Variants in CHODL observed in about 807,000 individuals in gnomAD.
CHODL encodes the protein chondrolectin.
CHODL carries 29 observed loss-of-function variants against 34.5 expected under a neutral mutation model. The ratio of observed to expected loss-of-function variants is 0.84; its 90% CI spans 0.63 to 1.15. The LOEUF (loss-of-function observed/expected upper bound fraction) is 1.15, where lower values mean the gene tolerates loss of function less well. CHODL is among the 50% of genes most tolerant of loss of function. The pLI is 0.00. For missense variants in CHODL, 332 were observed against 332.5 expected (o/e 1.00, Z 0.01); for synonymous variants, 125 against 116.1 (o/e 1.08, Z -0.49).
chr21:17,982,927 G>A (rs2063725909), intron 1 of CHODL, among the ~76,000 whole-genome samples: 1 of 151,800 alleles, frequency 6.6e-6, no homozygotes, highest in South Asian at 2.1e-4. Flanking sequence ...GTTTCACCAT[G>A]TTGGCCAGGC....
intron 1 of CHODL, among the ~76,000 whole-genome samples, chr21:17,978,746 A>ACC (rs397961368): frequency 0.01 from 1,477 of 143,804 alleles, 22 homozygotes; most frequent in African/African-American, 0.031. Flanking sequence ...AAAAAAAAAA[A>ACC]CAAACAAACA....
intron 1 of CHODL, among the ~76,000 whole-genome samples, chr21:17,957,453 C>T (rs182285050): frequency 5.9e-5 from 9 of 152,222 alleles, no homozygotes; most frequent in African/African-American, 2.2e-4. Context: ...CCTCTATTCT[C>T]CTCCATGTTT....
At chr21:17,950,195 A>G (rs967958837) in intron 1 of CHODL, among the ~76,000 whole-genome samples, 1 of 152,088 alleles carries the variant, frequency 6.6e-6, no homozygotes, top group African/African-American at 2.4e-5. Flanking sequence ...GGCACAAATG[A>G]CATACATTAT....
chr21:17,970,747 A>G (rs2063607908), intron 1 of CHODL, among the ~76,000 whole-genome samples: 1 of 151,932 alleles, frequency 6.6e-6, no homozygotes, highest in Non-Finnish European at 1.5e-5. Context: ...TAATTTTTTT[A>G]AATTATACTT....
chr21:18,008,773 G>A (rs1331114750), intron 1 of CHODL, among the ~76,000 whole-genome samples: 1 of 152,264 alleles, frequency 6.6e-6, no homozygotes, highest in Non-Finnish European at 1.5e-5. Context: ...TGTAATGATA[G>A]GGACAGACAA....
At chr21:17,947,832 A>G (rs949382248) in intron 1 of CHODL, among the ~76,000 whole-genome samples, 1 of 152,154 alleles carries the variant, frequency 6.6e-6, no homozygotes, top group African/African-American at 2.4e-5. Context: ...AAATCATTAC[A>G]TAAAAACCGT....
At chr21:18,166,851 C>CTTTT (rs1601094600) in intron 2 of CHODL, among the ~76,000 whole-genome samples, 1 of 152,066 alleles carries the variant, frequency 6.6e-6, no homozygotes, top group East Asian at 1.9e-4. Flanking sequence ...GGACCAATGT[C>CTTTT]ATGTGGAACT....
chr21:18,225,366 G>C (rs1216810660), intron 2 of CHODL, among the ~76,000 whole-genome samples: 1 of 152,010 alleles, frequency 6.6e-6, no homozygotes, highest in East Asian at 1.9e-4. Context: ...AAGGACGATT[G>C]CTTTTCACTT....
intron 2 of CHODL, among the ~76,000 whole-genome samples, chr21:18,090,061 C>A (rs1281578995): frequency 2.6e-5 from 4 of 152,164 alleles, no homozygotes; most frequent in African/African-American, 7.2e-5. Context: ...TGGATATTCA[C>A]AAGAAACATC....
intron 1 of CHODL, among the ~76,000 whole-genome samples, chr21:17,957,663 A>C (rs197541): frequency 0.41 from 62,310 of 151,690 alleles, 13,185 homozygotes; most frequent in East Asian, 0.65. Context: ...AGGATCCAAG[A>C]TATTAAAAGA....
At chr21:18,168,191 C>G (rs540840758) in intron 2 of CHODL, among the ~76,000 whole-genome samples, 2 of 152,198 alleles carry the variant, frequency 1.3e-5, no homozygotes, top group South Asian at 4.1e-4. Context: ...GGTTTTGGGA[C>G]TCAGATTGGC....
At chr21:18,133,515 A>G (rs1364200267) in intron 2 of CHODL, among the ~76,000 whole-genome samples, 1 of 152,180 alleles carries the variant, frequency 6.6e-6, no homozygotes, top group East Asian at 1.9e-4. Context: ...GCATTTCTGC[A>G]TATCTTGTAT....
At chr21:18,144,371 C>A (rs2072840005) in intron 2 of CHODL, among the ~76,000 whole-genome samples, 1 of 152,046 alleles carries the variant, frequency 6.6e-6, no homozygotes, top group Admixed American at 6.6e-5. Context: ...TTTGATTTTA[C>A]AATTAGGAGA....
chr21:18,096,272 G>T (rs1393653370), intron 2 of CHODL, among the ~76,000 whole-genome samples: 5 of 152,056 alleles, frequency 3.3e-5, no homozygotes, highest in Non-Finnish European at 7.4e-5. Context: ...TGTACAAATT[G>T]TTTGTAAAAC....
rs1276802023 is a variant in CHODL at position 18,224,360 on chromosome 21, CT to C, written c.-44-32147del. On this transcript the variant is annotated intron_variant, in intron 2 of 6. Coordinates refer to the CHODL transcript ENST00000400127. ...AACTAGCTCCTCTCTGCCTTACTTTCTTGTCTTTAAAATTTGAATAATAATT... is the reference window on the plus strand; with the variant it reads ...AACTAGCTCCTCTCTGCCTTACTTTCTGTCTTTAAAATTTGAATAATAATT... Among the ~76,000 whole-genome samples, 7 of 152,122 alleles carry C rather than the reference CT, an allele frequency of 4.6e-5. No homozygotes were observed. The East Asian group carries it at 1.2e-3, about 25-fold the overall frequency.
At chr21:18,143,056 C>G (rs181249796) in intron 2 of CHODL, among the ~76,000 whole-genome samples, 1 of 152,292 alleles carries the variant, frequency 6.6e-6, no homozygotes. Flanking sequence ...AGTTAATTTA[C>G]TCATCTTCCT....
intron 2 of CHODL, among the ~76,000 whole-genome samples, chr21:18,237,658 G>T (rs889740643): frequency 1.3e-5 from 2 of 152,122 alleles, no homozygotes; most frequent in African/African-American, 4.8e-5. Flanking sequence ...AAACCTGGAT[G>T]CAGGTGAAGA....
intron 2 of CHODL, among the ~76,000 whole-genome samples, chr21:18,091,829 T>C (rs1159952421): frequency 6.6e-6 from 1 of 151,942 alleles, no homozygotes; most frequent in African/African-American, 2.4e-5. Flanking sequence ...CGTGGACCAG[T>C]AGTGGTGGTG....
At chr21:18,098,895 T>C (rs926408253) in intron 2 of CHODL, among the ~76,000 whole-genome samples, 3 of 151,028 alleles carry the variant, frequency 2.0e-5, no homozygotes, top group African/African-American at 7.3e-5. Context: ...TATTCAGCCA[T>C]AAAAATGAAT....
Sources: gnomAD v4.1 joint callset for allele counts (sites outside exome capture counted in the v4.1 genomes callset) on GRCh38, gnomAD v4.1.1 for gene constraint, MANE v1.5 for transcripts, NCBI Gene and HGNC (gene_info 2026-07-23, HGNC 2026-07-21) for gene names.